Variants in TMEM65 observed in about 807,000 individuals in gnomAD.
TMEM65 encodes the protein transmembrane protein 65.
A neutral mutation model predicts 25.4 loss-of-function variants in TMEM65; 22 were observed. The observed-to-expected ratio is 0.86, with a 90% CI of 0.62 to 1.23. The LOEUF (loss-of-function observed/expected upper bound fraction) is 1.23. Among genes scored for constraint, TMEM65 ranks in the 50% most tolerant of loss-of-function variants. The pLI, the probability that TMEM65 is intolerant of heterozygous loss-of-function variation, is 0.00. For synonymous variants in TMEM65, 132 were observed against 126.2 expected, an observed-to-expected ratio of 1.05 and a Z score of -0.31; for missense variants, 262 against 308.2, an observed-to-expected ratio of 0.85 and a Z score of 1.12.
intron 1 of TMEM65, among the ~76,000 whole-genome samples, chr8:124,357,449 C>T (rs998093115): frequency 5.3e-5 from 8 of 152,154 alleles, no homozygotes; most frequent in African/African-American, 1.9e-4. Flanking sequence ...CTTCCAAAAT[C>T]TAAAGGAAAA....
intron 3 of TMEM65, among the ~76,000 whole-genome samples, chr8:124,324,572 G>A (rs1214192404): frequency 2.6e-5 from 4 of 152,076 alleles, no homozygotes; most frequent in Non-Finnish European, 5.9e-5. Context: ...CACCAATATA[G>A]AAGAGAGGCA....
Position 124,315,782 on chromosome 8 carries a change from G to A in TMEM65, c.622-1721C>T, listed in dbSNP as rs914529939. 7.2e-5 allele frequency among the ~76,000 whole-genome samples: 11 copies of A among 151,976 alleles called. No homozygotes were observed. The South Asian group carries it at 1.5e-3, about 20-fold the overall frequency. Reference sequence around the variant, plus strand: ...ATTAATAGTCAAAACTGTTATTTTCGTTATGCCAAAACTTTAAAAGGTATC... The same window carrying A: ...ATTAATAGTCAAAACTGTTATTTTCATTATGCCAAAACTTTAAAAGGTATC... On this transcript the variant is annotated intron_variant, in intron 6 of 6. Transcript: ENST00000297632.
rs77639502 is a variant in TMEM65 at position 124,360,063 on chromosome 8, G to C, written c.304+11791C>G. On this transcript the variant is annotated intron_variant, in intron 1 of 6. Transcript: ENST00000297632. The stretch of plus-strand genomic sequence containing the variant: ...AAAGACTGCCTATTCAACTAAATAA[G>C]TCTTCAAGACATACCTTTCTGGCAT... 6.0e-3 allele frequency among the ~76,000 whole-genome samples: 915 copies of C among 152,136 alleles called. 9 individuals carry two copies. The highest frequency in any genetic ancestry group is 0.021 in the African/African-American group (870 of 41,484).
chr8:124,323,268 G>A (rs1814327722), intron 4 of TMEM65, 53 bp downstream of exon 4: 1 of 1,009,058 alleles, frequency 9.9e-7, no homozygotes, highest in Non-Finnish European at 1.5e-6. Flanking sequence ...TTAATCTACT[G>A]AAATGTTTTA....
Position 124,313,948 on chromosome 8 carries a change from A to G in TMEM65, c.*12T>C, listed in dbSNP as rs1563587750. On this transcript the variant is annotated 3_prime_UTR_variant, in exon 7 of 7. Transcript: ENST00000297632. ...CATTAGTTTACATCTTTTTATAGGT[A>G]TTCTAAGAGGATTAACTTTTCGTTT... The G allele has an allele frequency of 6.3e-7, 1 of 1,575,250 alleles. No homozygotes were observed. Among genetic ancestry groups the G allele is most frequent in the East Asian group, 2.2e-5 (1 of 44,518 alleles).
intron 1 of TMEM65, among the ~76,000 whole-genome samples, chr8:124,358,602 A>G (rs1162913048): frequency 6.6e-6 from 1 of 152,178 alleles, no homozygotes; most frequent in Non-Finnish European, 1.5e-5. Context: ...CATTTTCCAT[A>G]AGTCACTTTC....
chr8:124,314,264 C>T (rs1200886381), intron 6 of TMEM65, among the ~76,000 whole-genome samples: 1 of 152,086 alleles, frequency 6.6e-6, no homozygotes, highest in Non-Finnish European at 1.5e-5. Context: ...CTTCCTCAAT[C>T]CGTACCCCTG....
Position 124,371,850 on chromosome 8 carries a change from T to C in TMEM65, c.304+4A>G. 1 of 1,521,890 alleles carries C rather than the reference T, an allele frequency of 6.6e-7. No homozygotes were observed. The highest frequency in any genetic ancestry group is 8.8e-7 in the Non-Finnish European group (1 of 1,140,166). 94.3% of individuals were successfully genotyped at this position (1,521,890 alleles called of 1,614,324 possible). ...CGGGCTCGCCCCCCACCTGCCCCCCTTACCTTGGGCAATGGCAATAGACTC... is the reference window on the plus strand; with the variant it reads ...CGGGCTCGCCCCCCACCTGCCCCCCCTACCTTGGGCAATGGCAATAGACTC... On this transcript the variant is annotated splice_donor_region_variant and intron_variant, in intron 1 of 6. Transcript: ENST00000297632.
chr8:124,354,651 A>T (rs1205564371), intron 1 of TMEM65, among the ~76,000 whole-genome samples: 1 of 152,206 alleles, frequency 6.6e-6, no homozygotes, highest in Admixed American at 6.5e-5. Flanking sequence ...CAAAAGTGTC[A>T]TCCCATCTCC....
rs189834390 is a variant in TMEM65, at chr8:124,348,096, C to A, written c.305-17304G>T. On this transcript the variant is annotated intron_variant, in intron 1 of 6. Coordinates refer to ENST00000297632, the MANE Select transcript of TMEM65 (RefSeq NM_194291.3). ...GGCAGTAGCCAGGATTACAGGCATGCGCCGCCATACCTGGCTAATTTTGTA... is the reference window on the plus strand; with the variant it reads ...GGCAGTAGCCAGGATTACAGGCATGAGCCGCCATACCTGGCTAATTTTGTA... Among the ~76,000 whole-genome samples the A allele has an allele frequency of 1.7e-3, 258 of 151,944 alleles. 2 individuals carry two copies. Among genetic ancestry groups the A allele is most frequent in the Middle Eastern group, 3.4e-3 (1 of 294 alleles).
intron 1 of TMEM65, among the ~76,000 whole-genome samples, chr8:124,343,183 A>C (rs1814601018): frequency 6.6e-6 from 1 of 152,174 alleles, no homozygotes; most frequent in Admixed American, 6.5e-5. Flanking sequence ...AAGCTAACTG[A>C]ATTGACTTGA....
Position 124,311,258 on chromosome 8 carries a change from A to G in TMEM65, c.*2702T>C, listed in dbSNP as rs1272748294. ...GAGGTGGTAAATTGTTCCATTCACT[A>G]TCTCAGTGACATTGCTGCCACCTTG... On this transcript the variant is annotated 3_prime_UTR_variant, in exon 7 of 7. Transcript: ENST00000297632. 6.6e-6 allele frequency: 1 copy of G among 152,452 alleles called. No individual in the cohort carries two copies. Among genetic ancestry groups the G allele is most frequent in the Non-Finnish European group, 1.5e-5 (1 of 68,044 alleles). The allele number at this position is 152,452 out of a possible 1,614,324, so 9.4% of individuals were successfully genotyped here.
At chr8:124,322,223 A>G in intron 4 of TMEM65, 76 bp from the exon 5 acceptor site, 1 of 1,112,968 alleles carries the variant, frequency 9.0e-7, no homozygotes, top group Non-Finnish European at 1.3e-6. Flanking sequence ...TAAAGCACTG[A>G]TCTTGGAAGA....
chr8:124,352,770 G>GT (rs998261793), intron 1 of TMEM65, among the ~76,000 whole-genome samples: 16 of 152,064 alleles, frequency 1.1e-4, no homozygotes, highest in Non-Finnish European at 2.1e-4. Context: ...CTAGAACAGC[G>GT]TTTTAGAGCT....
rs533111272 is a variant in TMEM65 at position 124,309,198 on chromosome 8, C to T, written c.*4762G>A. 6.6e-6 allele frequency: 1 copy of T among 152,274 alleles called. No individual in the cohort carries two copies. Among genetic ancestry groups the T allele is most frequent in the East Asian group, 1.9e-4 (1 of 5,190 alleles). The allele number at this position is 152,274 out of a possible 1,614,324, so 9.4% of individuals were successfully genotyped here. A position where few individuals can be genotyped will look rare whatever the true frequency, so the allele number is the denominator to read the frequency against. ...ATACAAAATACGTGTTAATCTACTG[C>T]TTATTTATCAGAAAGGCTTCCAGCC... On this transcript the variant is annotated 3_prime_UTR_variant, in exon 7 of 7. Coordinates refer to ENST00000297632, the MANE Select transcript of TMEM65 (RefSeq NM_194291.3).
chr8:124,351,416 A>T (rs957142052), intron 1 of TMEM65, among the ~76,000 whole-genome samples: 3 of 152,168 alleles, frequency 2.0e-5, no homozygotes, highest in Non-Finnish European at 4.4e-5. Flanking sequence ...GAAAATAGTA[A>T]AACTAATGTT....
At chr8:124,368,185 A>C (rs928287744) in intron 1 of TMEM65, among the ~76,000 whole-genome samples, 2 of 150,248 alleles carry the variant, frequency 1.3e-5, no homozygotes, top group Middle Eastern at 3.5e-3. Flanking sequence ...CTCTCCCACA[A>C]TGTGTCAGGA....
At chr8:124,335,687 T>C (rs978358431) in intron 1 of TMEM65, among the ~76,000 whole-genome samples, 13 of 152,014 alleles carry the variant, frequency 8.6e-5, no homozygotes, top group African/African-American at 3.1e-4. Context: ...TAAGAATACA[T>C]GCTGTAATCC....
chr8:124,358,867 T>C (rs1046655771), intron 1 of TMEM65, among the ~76,000 whole-genome samples: 1 of 152,130 alleles, frequency 6.6e-6, no homozygotes, highest in Admixed American at 6.5e-5. Flanking sequence ...TCGCAGCAAA[T>C]GGGGTGCTTC....
Sources: gnomAD v4.1 joint callset for allele counts (sites outside exome capture counted in the v4.1 genomes callset) on GRCh38, gnomAD v4.1.1 for gene constraint, MANE v1.5 for transcripts, NCBI Gene and HGNC (gene_info 2026-07-23, HGNC 2026-07-21) for gene names.